ZNF569: variants seen among roughly 807,000 people sequenced by gnomAD.
ZNF569 encodes DNA-binding protein.
In ZNF569, 38 loss-of-function variants were observed where a neutral mutation model predicts 56.3. The ratio of observed to expected loss-of-function variants is 0.68; its 90% confidence interval spans 0.52 to 0.88. ZNF569 has a LOEUF of 0.88. Ranked by LOEUF, ZNF569 falls within the 40% of genes least tolerant of loss-of-function variation. The probability of loss-of-function intolerance (pLI) is 0.00; values close to 1 mark genes in which losing one functional copy is unlikely to be tolerated. For synonymous variants in ZNF569, 241 were observed against 262.9 expected, an observed-to-expected ratio of 0.92 and a Z score of 0.81; for missense variants, 666 against 809.2, an observed-to-expected ratio of 0.82 and a Z score of 2.15.
At chr19:37,425,232 G>A (rs955245432) in intron 5 of ZNF569, among the ~76,000 whole-genome samples, 12 of 151,594 alleles carry the variant, frequency 7.9e-5, no homozygotes, top group African/African-American at 2.9e-4. Context: ...GCTTACTGTA[G>A]CCTCAACCTC....
At chr19:37,468,408 A>G (rs1355489918), upstream of ZNF569, among the ~76,000 whole-genome samples, 1 of 152,112 alleles carries the variant, frequency 6.6e-6, no homozygotes, top group East Asian at 1.9e-4. Context: ...TTTAATAAAG[A>G]GATAATAGGC....
At chr19:37,415,158 C>T (rs975974678) in intron 5 of ZNF569, among the ~76,000 whole-genome samples, 10 of 151,786 alleles carry the variant, frequency 6.6e-5, no homozygotes, top group Admixed American at 6.6e-4. Context: ...ATCAAAATGA[C>T]CCAAAAGGAA....
At chr19:37,443,916 G>A (rs1456375534) in intron 3 of ZNF569, among the ~76,000 whole-genome samples, 1 of 152,048 alleles carries the variant, frequency 6.6e-6, no homozygotes, top group Non-Finnish European at 1.5e-5. Context: ...TACAATGGAG[G>A]CTGAGGCAAG....
upstream of ZNF569, chr19:37,469,094 G>C: frequency 9.6e-7 from 1 of 1,039,418 alleles, no homozygotes; most frequent in South Asian, 3.5e-5. Flanking sequence ...TGTGACGCTG[G>C]GCCCCGTCCC....
intron 5 of ZNF569, among the ~76,000 whole-genome samples, chr19:37,415,647 G>T (rs2040916247): frequency 6.6e-6 from 1 of 151,576 alleles, no homozygotes; most frequent in Admixed American, 6.6e-5. Flanking sequence ...AAGGCGGGCG[G>T]ATCGCGAGGT....
chr19:37,423,765 T>C (rs1291606797), intron 5 of ZNF569, among the ~76,000 whole-genome samples: 3 of 152,080 alleles, frequency 2.0e-5, no homozygotes, highest in African/African-American at 7.2e-5. Context: ...GAAATATAGA[T>C]TGGAAACATG....
intron 5 of ZNF569, among the ~76,000 whole-genome samples, chr19:37,422,094 C>T (rs1309389245): frequency 6.6e-6 from 1 of 152,182 alleles, no homozygotes; most frequent in Non-Finnish European, 1.5e-5. Flanking sequence ...GCATTCACAA[C>T]TTGGCAAACA....
intron 2 of ZNF569, among the ~76,000 whole-genome samples, chr19:37,457,898 G>A (rs2041699058): frequency 6.6e-6 from 1 of 151,322 alleles, no homozygotes; most frequent in Non-Finnish European, 1.5e-5. Context: ...TTTTTTTTTG[G>A]AGACAGAGTC....
chr19:37,421,854 A>G (rs1447389672), intron 5 of ZNF569, among the ~76,000 whole-genome samples: 2 of 149,812 alleles, frequency 1.3e-5, no homozygotes, highest in South Asian at 2.1e-4. Flanking sequence ...GACTCAATCA[A>G]TCCTCTCGTC....
At chr19:37,457,311 C>G (rs1423244421) in intron 2 of ZNF569, among the ~76,000 whole-genome samples, 1 of 152,106 alleles carries the variant, frequency 6.6e-6, no homozygotes, top group Non-Finnish European at 1.5e-5. Context: ...ATCGAGAATT[C>G]TATACTTATA....
intron 5 of ZNF569, among the ~76,000 whole-genome samples, chr19:37,420,074 C>A (rs527827145): frequency 6.1e-4 from 91 of 149,280 alleles, no homozygotes; most frequent in Middle Eastern, 3.5e-3. Context: ...GCAACCTCTG[C>A]CTCCCAGGTT....
At chr19:37,415,168 A>G (rs1216367323) in intron 5 of ZNF569, among the ~76,000 whole-genome samples, 1 of 152,132 alleles carries the variant, frequency 6.6e-6, no homozygotes, top group African/African-American at 2.4e-5. Flanking sequence ...CCCAAAAGGA[A>G]AAAAGTGACC....
chr19:37,438,475 C>T (rs1053134418), intron 3 of ZNF569, among the ~76,000 whole-genome samples: 9 of 152,078 alleles, frequency 5.9e-5, no homozygotes, highest in African/African-American at 1.7e-4. Context: ...ACATCTCCAG[C>T]GAACTCATTT....
At chr19:37,432,221 G>A (rs1322589635) in intron 3 of ZNF569, among the ~76,000 whole-genome samples, 4 of 152,168 alleles carry the variant, frequency 2.6e-5, no homozygotes, top group Non-Finnish European at 5.9e-5. Flanking sequence ...GGCCTTGGGT[G>A]AGACTCAGTG....
rs780529156 is a variant in ZNF569, at chr19:37,422,547, A to T, written c.238+3321T>A. On this transcript the variant is annotated intron_variant, in intron 5 of 5. Transcript: ENST00000316950. ...ACATGCTTTTGGAAAAATGGTGCCAATGGGCTTGTTCGATGCAGGGCTGCC... is the reference window on the plus strand; with the variant it reads ...ACATGCTTTTGGAAAAATGGTGCCATTGGGCTTGTTCGATGCAGGGCTGCC... Among the ~76,000 whole-genome samples the T allele has an allele frequency of 7.9e-5, 12 of 152,338 alleles. No individual in the cohort carries two copies. In the South Asian group the frequency reaches 8.3e-4, roughly 11 times the overall value.
chr19:37,419,872 G>C (rs2041000495), intron 5 of ZNF569, among the ~76,000 whole-genome samples: 2 of 151,892 alleles, frequency 1.3e-5, no homozygotes, highest in South Asian at 4.2e-4. Flanking sequence ...TTGCTGATAG[G>C]TGTCTTCCTC....
chr19:37,459,250 G>A (rs1221062160), intron 2 of ZNF569, among the ~76,000 whole-genome samples: 2 of 151,330 alleles, frequency 1.3e-5, no homozygotes, highest in African/African-American at 4.9e-5. Flanking sequence ...AAAACCACAC[G>A]TGTATATCAT....
At chr19:37,446,288 C>G (rs2146943406) in intron 2 of ZNF569, among the ~76,000 whole-genome samples, 1 of 152,068 alleles carries the variant, frequency 6.6e-6, no homozygotes, top group South Asian at 2.1e-4. Context: ...GGTGGCTCAC[C>G]CCTGTAATCC....
At chr19:37,426,493 T>A in intron 3 of ZNF569, 115 bp from the exon 4 acceptor site, 1 of 1,138,896 alleles carries the variant, frequency 8.8e-7, no homozygotes, top group South Asian at 2.6e-5. Context: ...GCCCATCATA[T>A]TAGCAGCATC....
Sources: gnomAD v4.1 joint callset for allele counts (sites outside exome capture counted in the v4.1 genomes callset) on GRCh38, gnomAD v4.1.1 for gene constraint, MANE v1.5 for transcripts, NCBI Gene and HGNC (gene_info 2026-07-23, HGNC 2026-07-21) for gene names.